The following EXOSC1 variants were observed in gnomAD, a reference collection of about 807,000 sequenced individuals.
EXOSC1 encodes the protein exosome component 1, also known as exosome complex component CSL4.
EXOSC1 carries 27 observed loss-of-function variants against 31.4 expected under a neutral mutation model. That is an observed-to-expected ratio of 0.86 (90% CI 0.63 to 1.18). The LOEUF (loss-of-function observed/expected upper bound fraction) is 1.18. Ranked by LOEUF, EXOSC1 falls within the 50% of genes most tolerant of loss-of-function variation. EXOSC1 has a pLI of 0.00. For synonymous variants in EXOSC1, 84 were observed against 89.5 expected, an observed-to-expected ratio of 0.94 and a Z score of 0.35; for missense variants, 228 against 250.3, an observed-to-expected ratio of 0.91 and a Z score of 0.60.
rs1845705605 is a variant in EXOSC1, at chr10:97,441,256, A to G, written c.226T>C (p.Ser76Pro). Residue 76 changes from serine to proline, a missense_variant, in exon 4 of 8, where the codon TCT becomes CCT. Coordinates refer to ENST00000370902, the MANE Select transcript of EXOSC1 (RefSeq NM_016046.5). The stretch of plus-strand genomic sequence containing the variant: ...TTGGCAAAGCGTGAATTGATGCTAG[A>G]GACCTGCGGAATAGAGAAAAGATCA... ...DVGAIVTCKV[S>P]SINSRFAKVH... 3 of 1,613,864 alleles carry G rather than the reference A, an allele frequency of 1.9e-6. No homozygotes were observed. Among genetic ancestry groups the G allele is most frequent in the African/African-American group, 2.7e-5 (2 of 75,038 alleles).
chr10:97,437,641 C>A, intron 6 of EXOSC1, 59 bp downstream of exon 6: 1 of 1,543,222 alleles, frequency 6.5e-7, no homozygotes, highest in African/African-American at 1.4e-5. Flanking sequence ...AGCCACCACA[C>A]CCGGCCTCCT....
In EXOSC1 at chr10:97,436,175, A is replaced by T. The variant is rs1845527803; in HGVS notation, c.*270T>A. The T allele has an allele frequency of 3.0e-6, 1 of 336,656 alleles. No individual in the cohort carries two copies. Among genetic ancestry groups the T allele is most frequent in the East Asian group, 9.4e-5 (1 of 10,656 alleles). 20.9% of individuals were successfully genotyped at this position (336,656 alleles called of 1,614,324 possible). ...GTAAAAAAGTTTTATCATAGCAAAA[A>T]ATATGTATTTATAAGGACTGTCAGG... On this transcript the variant is annotated 3_prime_UTR_variant, in exon 8 of 8. Coordinates refer to ENST00000370902, the MANE Select transcript of EXOSC1 (RefSeq NM_016046.5).
chr10:97,442,502 T>C (rs1312189371), intron 3 of EXOSC1, among the ~76,000 whole-genome samples: 2 of 152,186 alleles, frequency 1.3e-5, no homozygotes, highest in African/African-American at 4.8e-5. Context: ...ATGTGGCTAA[T>C]GTGACTAAGG....
At chr10:97,445,527 C>G (rs1469667350) in intron 2 of EXOSC1, 5 of 565,294 alleles carry the variant, frequency 8.8e-6, no homozygotes, top group Non-Finnish European at 1.5e-5. Flanking sequence ...CCCCGAGGGT[C>G]AGCAGCACAA....
intron 3 of EXOSC1, among the ~76,000 whole-genome samples, chr10:97,441,875 A>T (rs1158071258): frequency 1.9e-5 from 2 of 107,052 alleles, no homozygotes; most frequent in Non-Finnish European, 4.4e-5. Context: ...GCTAACAATT[A>T]AAAAAAAAAA....
At chr10:97,437,642 C>T in intron 6 of EXOSC1, 58 bp downstream of exon 6, 1 of 1,547,718 alleles carries the variant, frequency 6.5e-7, no homozygotes, top group Non-Finnish European at 8.9e-7. Context: ...GCCACCACAC[C>T]CGGCCTCCTT....
At chr10:97,444,305 C>A (rs1845815720) in intron 2 of EXOSC1, 1 of 152,164 alleles carries the variant, frequency 6.6e-6, no homozygotes, top group African/African-American at 2.4e-5. Flanking sequence ...TCAATCTCTC[C>A]GTTGCTCACA....
At position 97,436,525 on chromosome 10, in the gene EXOSC1, A is replaced by G. The variant is rs1374295440; in HGVS notation, c.508T>C (p.Cys170Arg). 1 of 1,610,156 alleles carries G rather than the reference A, an allele frequency of 6.2e-7. No individual in the cohort carries two copies. The highest frequency in any genetic ancestry group is 8.5e-7 in the Non-Finnish European group (1 of 1,179,018). Residue 170 changes from cysteine (C) to arginine (R), a missense_variant, in exon 8 of 8, where the codon TGT (cysteine) becomes CGT (arginine). Physicochemically the swap from Cys to Arg is radical, Grantham distance 180. Transcript: ENST00000370902. ...SGIQMVPISW[C>R]EMQCPKTHTK... is the part of the protein sequence containing the mutation. ...TGGGTCTTAGGGCACTGCATCTCAC[A>G]CCAGCTGATGGGAACCATCTGGATA...
chr10:97,445,128 A>C (rs954649900), intron 2 of EXOSC1: 4 of 152,156 alleles, frequency 2.6e-5, no homozygotes, highest in African/African-American at 9.7e-5. Flanking sequence ...TCCTTTCCTC[A>C]ATTAGTGGGT....
intron 5 of EXOSC1, 102 bp downstream of exon 5, chr10:97,438,568 G>C: frequency 9.1e-7 from 1 of 1,095,426 alleles, no homozygotes; most frequent in Non-Finnish European, 1.4e-6. Context: ...GCCTCCCAAA[G>C]TACTGGGATT....
intron 4 of EXOSC1, 165 bp downstream of exon 4, chr10:97,441,006 C>T (rs1459419914): frequency 9.1e-6 from 5 of 549,402 alleles, no homozygotes; most frequent in African/African-American, 5.8e-5. Context: ...CTAGATCATC[C>T]ATGTATTTTT....
intron 4 of EXOSC1, 125 bp from the exon 5 acceptor site, chr10:97,438,828 T>C: frequency 1.4e-6 from 1 of 709,986 alleles, no homozygotes; most frequent in Non-Finnish European, 2.5e-6. Flanking sequence ...TTTTGCTCAC[T>C]GCAACCTCCG....
intron 5 of EXOSC1, 65 bp from the exon 6 acceptor site, chr10:97,437,815 G>T: frequency 7.4e-7 from 1 of 1,354,076 alleles, no homozygotes; most frequent in South Asian, 1.2e-5. Context: ...AACTGTGAAC[G>T]CTTCTGGTAA....
intron 4 of EXOSC1, among the ~76,000 whole-genome samples, chr10:97,439,602 T>C (rs1271234509): frequency 6.6e-6 from 1 of 152,216 alleles, no homozygotes; most frequent in Non-Finnish European, 1.5e-5. Flanking sequence ...GATTCTATAT[T>C]ATGGTGAGCT....
intron 3 of EXOSC1, 144 bp from the exon 4 acceptor site, chr10:97,441,403 C>T: frequency 1.7e-6 from 1 of 584,630 alleles, no homozygotes; most frequent in Non-Finnish European, 3.0e-6. Context: ...CTACTTCTCT[C>T]TGCGTAAGTG....
chr10:97,438,750 ATTTTTTT>A (rs11316935), intron 4 of EXOSC1, 47 bp from the exon 5 acceptor site: 14 of 996,828 alleles, frequency 1.4e-5, no homozygotes, highest in Admixed American at 7.1e-5. Context: ...GTGAGAAAGA[ATTTTTTT>A]TTTTTTTTTT....
chr10:97,445,701 C>A (rs1564792457), intron 2 of EXOSC1, 31 bp downstream of exon 2: 24 of 1,605,384 alleles, frequency 1.5e-5, no homozygotes, highest in Non-Finnish European at 2.0e-5. Flanking sequence ...AAGGGAAAAA[C>A]AGAGGGGAGA....
intron 3 of EXOSC1, among the ~76,000 whole-genome samples, chr10:97,442,188 A>AC (rs1845741793): frequency 1.3e-5 from 2 of 151,908 alleles, no homozygotes; most frequent in South Asian, 4.2e-4. Flanking sequence ...AAAAAAAAAA[A>AC]AACAGGAATG....
chr10:97,437,632 G>A, intron 6 of EXOSC1, 68 bp downstream of exon 6: 1 of 1,477,276 alleles, frequency 6.8e-7, no homozygotes, highest in African/African-American at 1.4e-5. Context: ...ACAGGCATGA[G>A]CCACCACACC....
Sources: allele counts gnomAD v4.1 joint callset (sites outside exome capture counted in the v4.1 genomes callset), GRCh38; gene constraint gnomAD v4.1.1; transcripts MANE v1.5; gene names NCBI Gene and HGNC (gene_info 2026-07-23, HGNC 2026-07-21).